ABCA4: variants seen among roughly 807,000 people sequenced by gnomAD.
The protein encoded by ABCA4 is ATP binding cassette subfamily A member 4, also known as retinal-specific phospholipid-transporting ATPase ABCA4.
ABCA4 carries 196 observed loss-of-function variants against 263.7 expected under a neutral mutation model. That is an observed-to-expected ratio of 0.74 (90% CI 0.66 to 0.84). ABCA4 has a LOEUF of 0.84. Ranked by LOEUF, ABCA4 falls within the 40% of genes least tolerant of loss-of-function variation. The pLI, the probability that ABCA4 is intolerant of heterozygous loss-of-function variation, is 0.00. For missense variants in ABCA4, 2,792 were observed against 2,855.1 expected (o/e 0.98, Z 0.50); for synonymous variants, 1,133 against 1,094.2 (o/e 1.04, Z -0.70).
intron 1 of ABCA4, 81 bp downstream of exon 1, chr1:94,120,899 T>TCCCCCCCCCCCC: frequency 7.3e-6 from 1 of 136,412 alleles, no homozygotes; most frequent in Non-Finnish European, 1.4e-5. Flanking sequence ...CCCACCACCC[T>TCCCCCCCCCCCC]ACCCCACCAC....
At chr1:94,042,937 G>T in intron 21 of ABCA4, 39 bp from the exon 22 acceptor site, 1 of 1,613,888 alleles carries the variant, frequency 6.2e-7, no homozygotes, top group Non-Finnish European at 8.5e-7. Context: ...AAGGGGCTGT[G>T]GAGGGTGAGG....
intron 11 of ABCA4, among the ~76,000 whole-genome samples, chr1:94,065,997 T>G (rs968953757): frequency 1.3e-5 from 2 of 152,272 alleles, no homozygotes; most frequent in Admixed American, 1.3e-4. Context: ...AGCCTAACAT[T>G]GACCAGTCCT....
At chr1:94,076,713 G>A (rs548151629) in intron 11 of ABCA4, among the ~76,000 whole-genome samples, 4 of 152,296 alleles carry the variant, frequency 2.6e-5, no homozygotes, top group Admixed American at 6.5e-5. Context: ...GCAGGTGTGC[G>A]GAATGTAACT....
intron 30 of ABCA4, among the ~76,000 whole-genome samples, chr1:94,025,822 G>A (rs528011568): frequency 1.1e-4 from 16 of 152,190 alleles, no homozygotes; most frequent in Admixed American, 5.2e-4. Flanking sequence ...GTAATCCCCC[G>A]TAGGATATCA....
At chr1:94,056,090 G>A (rs767439717) in intron 15 of ABCA4, among the ~76,000 whole-genome samples, 1 of 152,214 alleles carries the variant, frequency 6.6e-6, no homozygotes, top group Admixed American at 6.5e-5. Context: ...CCTGGCCAGC[G>A]AGCCTGACTC....
At chr1:94,058,654 GC>G (rs1661044278) in intron 14 of ABCA4, among the ~76,000 whole-genome samples, 1 of 152,198 alleles carries the variant, frequency 6.6e-6, no homozygotes, top group Non-Finnish European at 1.5e-5. Context: ...GAGCCACCAC[GC>G]CCAGCCTGAA....
intron 4 of ABCA4, among the ~76,000 whole-genome samples, chr1:94,104,944 C>A (rs903572562): frequency 2.0e-5 from 3 of 152,178 alleles, no homozygotes; most frequent in African/African-American, 7.2e-5. Flanking sequence ...AACACCATCC[C>A]CAACACACGC....
Position 94,107,038 on chromosome 1 carries a change from C to G in ABCA4, c.442+1539G>C, listed in dbSNP as rs554071340. Among the ~76,000 whole-genome samples the G allele has an allele frequency of 2.6e-5, 4 of 152,160 alleles. No individual in the cohort carries two copies. The East Asian group carries it at 7.7e-4, about 29-fold the overall frequency. On this transcript the variant is annotated intron_variant, in intron 4 of 49. Transcript: ENST00000370225. The stretch of plus-strand genomic sequence containing the variant: ...TCGACTGAATGTTGAAGGAGCTGCA[C>G]GCATGCACGGGAAGGTGCCCCCGGG...
intron 40 of ABCA4, among the ~76,000 whole-genome samples, chr1:94,010,345 G>A (rs979776883): frequency 1.3e-5 from 2 of 151,692 alleles, no homozygotes; most frequent in South Asian, 4.2e-4. Flanking sequence ...GGAGTGGGGG[G>A]TCGTGATCAC....
At chr1:94,104,367 A>T (rs1662364180) in intron 4 of ABCA4, among the ~76,000 whole-genome samples, 1 of 152,140 alleles carries the variant, frequency 6.6e-6, no homozygotes, top group African/African-American at 2.4e-5. Context: ...AGCTTTAACC[A>T]TCACATGTCC....
chr1:94,030,723 T>C (rs565283017), intron 28 of ABCA4, among the ~76,000 whole-genome samples, 197 bp from the exon 29 acceptor site: 19 of 152,218 alleles, frequency 1.2e-4, no homozygotes, highest in Non-Finnish European at 2.4e-4. Flanking sequence ...ATGTCACCTA[T>C]GCCTCAAAAA....
chr1:94,014,525 C>T lies in ABCA4; in HGVS notation c.5460+18G>A. On this transcript the variant is annotated intron_variant, in intron 38 of 49. Transcript: ENST00000370225. ...TATCCTACTAATCAAACAAAAAAGC[C>T]AAGAAAGTTATGCTCACCCGGTTAT... 1 of 1,613,988 alleles carries T rather than the reference C, an allele frequency of 6.2e-7. No individual in the cohort carries two copies. Among genetic ancestry groups the T allele is most frequent in the Non-Finnish European group, 8.5e-7 (1 of 1,179,914 alleles).
rs1660481445 is a variant in ABCA4 at position 94,041,360 on chromosome 1, T to C, written c.3371A>G (p.Asp1124Gly). The stretch of plus-strand genomic sequence containing the variant: ...GATGGCAATGCGGTCCCCAAGGAGG[T>C]CGGCCTCGTCCATGTGGTGAGTGGA... ...IMSTHHMDEA[D>G]LLGDRIAIIA... Residue 1124 changes from aspartate (D) to glycine (G), a missense_variant, in exon 23 of 50, where the codon GAC (aspartate) becomes GGC (glycine). Transcript: ENST00000370225. 1.2e-6 allele frequency: 2 copies of C among 1,613,584 alleles called. No homozygotes were observed. Among genetic ancestry groups the C allele is most frequent in the Non-Finnish European group, 1.7e-6 (2 of 1,179,934 alleles).
intron 11 of ABCA4, among the ~76,000 whole-genome samples, chr1:94,076,454 C>A (rs572778603): frequency 1.4e-4 from 21 of 152,276 alleles, no homozygotes; most frequent in African/African-American, 4.1e-4. Context: ...TTATGTCCAC[C>A]AATAAATGCT....
chr1:94,078,575 T>TCCC lies in ABCA4; in HGVS notation c.1356+14_1356+15insGGG. 1 of 683,424 alleles carries TCCC rather than the reference T, an allele frequency of 1.5e-6. No homozygotes were observed. The highest frequency in any genetic ancestry group is 1.6e-5 in the South Asian group (1 of 62,790). The allele number at this position is 683,424 out of a possible 1,614,324, so 42.3% of individuals were successfully genotyped here. Reference sequence around the variant, plus strand: ...TCCTCCTCCCCTCCCCTCCCCATCCTCCAACCCCCCTTACTCTGATCATGT... The same window carrying TCCC: ...TCCTCCTCCCCTCCCCTCCCCATCCTCCCCCAACCCCCCTTACTCTGATCATGT... On this transcript the variant is annotated intron_variant, in intron 10 of 49. Coordinates refer to ENST00000370225, the MANE Select transcript of ABCA4 (RefSeq NM_000350.3).
intron 6 of ABCA4, among the ~76,000 whole-genome samples, chr1:94,084,725 C>T (rs912869551): frequency 1.3e-5 from 2 of 152,058 alleles, no homozygotes; most frequent in African/African-American, 2.4e-5. Flanking sequence ...CACTGAGAAG[C>T]GTCTCCCCTC....
At chr1:94,048,137 G>A (rs1054947757) in intron 18 of ABCA4, among the ~76,000 whole-genome samples, 1 of 152,196 alleles carries the variant, frequency 6.6e-6, no homozygotes, top group African/African-American at 2.4e-5. Context: ...TTATGAAATG[G>A]CCCCTGGGGT....
At chr1:94,097,810 C>T (rs1662167261) in intron 6 of ABCA4, among the ~76,000 whole-genome samples, 7 of 152,254 alleles carry the variant, frequency 4.6e-5, no homozygotes, top group African/African-American at 1.2e-4. Flanking sequence ...AGTGCAGTGG[C>T]GCAATCTCGG....
intron 24 of ABCA4, among the ~76,000 whole-genome samples, chr1:94,037,993 G>A (rs898008131): frequency 1.1e-4 from 17 of 152,120 alleles, no homozygotes; most frequent in East Asian, 7.7e-4. Flanking sequence ...ACCTGGAACC[G>A]GTGACCAAGC....
Sources: allele counts gnomAD v4.1 joint callset (sites outside exome capture counted in the v4.1 genomes callset), GRCh38; gene constraint gnomAD v4.1.1; transcripts MANE v1.5; gene names NCBI Gene and HGNC (gene_info 2026-07-23, HGNC 2026-07-21).